MIB2: variants seen among roughly 807,000 people sequenced by gnomAD.
MIB2 encodes MIB E3 ubiquitin protein ligase 2.
MIB2 carries 78 observed loss-of-function variants against 96.6 expected under a neutral mutation model. That is an observed-to-expected ratio of 0.81 (90% CI 0.67 to 0.97). MIB2 has a LOEUF of 0.97. MIB2 is among the 50% of genes least tolerant of loss of function. The probability of loss-of-function intolerance (pLI) is 0.00; values close to 1 mark genes in which losing one functional copy is unlikely to be tolerated. For missense variants in MIB2, 1,543 were observed against 1,424.0 expected, an observed-to-expected ratio of 1.08 and a Z score of -1.35; for synonymous variants, 820 against 629.5, an observed-to-expected ratio of 1.30 and a Z score of -4.53.
chr1:1,626,924 C>T lies in MIB2; in HGVS notation c.1165C>T (p.Pro389Ser), dbSNP rs537069361. ...AVAGQRWTFS[P>S]SCLVAYRPEE... is the part of the protein sequence containing the mutation. ...CGCTGGTCAGCGGTGGACCTTCAGCCCCTCCTGCCTGGTGGCCTACCGGCC... is the reference window on the plus strand; with the variant it reads ...CGCTGGTCAGCGGTGGACCTTCAGCTCCTCCTGCCTGGTGGCCTACCGGCC... Residue 389 changes from proline to serine, a missense_variant, in exon 10 of 20, where the codon CCC (proline) becomes TCC (serine). Pro to Ser is a moderately conservative substitution (Grantham distance 74). Transcript: ENST00000355826. The surrounding 1 kb of genome is among the most constrained non-coding windows in gnomAD (Gnocchi z 5.3). 19 of 1,610,162 alleles carry T rather than the reference C, an allele frequency of 1.2e-5. No individual in the cohort carries two copies. The highest frequency in any genetic ancestry group is 2.2e-5 in the South Asian group (2 of 90,928).
At chr1:1,621,411 G>A (rs1186982976) in intron 2 of MIB2, among the ~76,000 whole-genome samples, 1 of 152,256 alleles carries the variant, frequency 6.6e-6, no homozygotes, top group East Asian at 1.9e-4. Flanking sequence ...CTGCCCACGG[G>A]ACCCCTCTCC....
chr1:1,627,075 C>T lies in MIB2; in HGVS notation c.1242C>T (p.Ser414=), dbSNP rs1371302563. The stretch of plus-strand genomic sequence containing the variant: ...CACTAACCTCAGCCCTGCCCCCAGG[C>T]TCACTGAGCGTGGCCCTGGACAAGC... ...DVAERARENK[S]SLSVALDKLR... The change falls in exon 11 of 20, where the codon AGC becomes AGT. Residue 414 remains serine, a splice_region_variant and synonymous_variant. Transcript: ENST00000355826. 6.9e-6 allele frequency: 11 copies of T among 1,600,020 alleles called. No homozygotes were observed. The highest frequency in any genetic ancestry group is 9.4e-6 in the Non-Finnish European group (11 of 1,173,820).
At chr1:1,623,244 G>T in intron 2 of MIB2, 187 bp from the exon 3 acceptor site, 1 of 1,007,634 alleles carries the variant, frequency 9.9e-7, no homozygotes, top group Non-Finnish European at 1.4e-6. Context: ...TTTCCCACCG[G>T]CCTCCCTGGT....
In MIB2 at chr1:1,630,544, C is replaced by T; in HGVS notation, c.*14C>T. 6.5e-7 allele frequency: 1 copy of T among 1,546,404 alleles called. No individual in the cohort carries two copies. The highest frequency in any genetic ancestry group is 1.7e-4 in the Middle Eastern group (1 of 5,860). Reference sequence around the variant, plus strand: ...ATCTTCGTGTGAGCCGCGCCGTCCGCCGCGCCCGAGCTGCCTTCGCGTGCC... The same window carrying T: ...ATCTTCGTGTGAGCCGCGCCGTCCGTCGCGCCCGAGCTGCCTTCGCGTGCC... On this transcript the variant is annotated 3_prime_UTR_variant, in exon 20 of 20. Coordinates refer to ENST00000355826, the MANE Select transcript of MIB2 (RefSeq NM_001170687.4).
intron 19 of MIB2, 126 bp from the exon 20 acceptor site, chr1:1,630,166 G>GC (rs1402555059): frequency 3.5e-4 from 49 of 139,832 alleles, no homozygotes; most frequent in South Asian, 1.6e-3. Context: ...CACCCCGCCA[G>GC]CCCCCCTTGC....
chr1:1,615,544 C>T lies in MIB2; in HGVS notation c.-219C>T. The T allele has an allele frequency of 6.5e-7, 1 of 1,535,406 alleles. No homozygotes were observed. Among genetic ancestry groups the T allele is most frequent in the African/African-American group, 1.4e-5 (1 of 72,368 alleles). ...TTCCAGCCGCCGCTCTCCTCAGTGC[C>T]CGGTGGCCCAGGAGGGCCTGGGAGC... is the stretch of plus-strand genomic sequence containing the variant. On this transcript the variant is annotated 5_prime_UTR_variant, in exon 1 of 20. Transcript: ENST00000355826.
chr1:1,623,852 G>GC lies in MIB2; in HGVS notation c.328dup (p.Leu110ProfsTer16). 6.2e-7 allele frequency: 1 copy of GC among 1,611,586 alleles called. No homozygotes were observed. The highest frequency in any genetic ancestry group is 1.7e-5 in the Admixed American group (1 of 59,896). On this transcript the variant is annotated frameshift_variant, in exon 4 of 20. Coordinates refer to ENST00000355826, the MANE Select transcript of MIB2 (RefSeq NM_001170687.4). LOFTEE classifies it high-confidence loss of function. ...GGGATGCGCTGGAAGTGCCGTGTGT[G>GC]CCTGGACTACGACCTCTGCACGCAG...
chr1:1,629,390 G>A lies in MIB2; in HGVS notation c.2387G>A (p.Arg796Gln), dbSNP rs1207838545. The A allele has an allele frequency of 1.4e-6, 2 of 1,442,772 alleles. No individual in the cohort carries two copies. The highest frequency in any genetic ancestry group is 2.9e-5 in the Admixed American group (1 of 34,418). 89.4% of individuals were successfully genotyped at this position (1,442,772 alleles called of 1,614,324 possible). The change falls in exon 18 of 20, where the codon CGG becomes CAG. Residue 796 changes from arginine to glutamine, a missense_variant. Coordinates refer to ENST00000355826, the MANE Select transcript of MIB2 (RefSeq NM_001170687.4). ...LQGCAQRFRE[R>Q]QAGGGAAPGP... Reference sequence around the variant, plus strand: ...GCCGCCTCCTCCCCCTGCAGGGAGCGGCAGGCGGGCGGGGGCGCGGCCCCG... The same window carrying A: ...GCCGCCTCCTCCCCCTGCAGGGAGCAGCAGGCGGGCGGGGGCGCGGCCCCG...
In MIB2 at chr1:1,627,336, C is replaced by T. The variant is rs536201760; in HGVS notation, c.1415C>T (p.Ala472Val). 6.2e-7 allele frequency: 1 copy of T among 1,613,148 alleles called. No individual in the cohort carries two copies. The highest frequency in any genetic ancestry group is 2.2e-5 in the East Asian group (1 of 44,868). The change falls in exon 12 of 20, where the codon GCT becomes GTT. Residue 472 changes from alanine (A) to valine (V), a missense_variant. Ala to Val is a moderately conservative substitution (Grantham distance 64). Coordinates refer to ENST00000355826, the MANE Select transcript of MIB2 (RefSeq NM_001170687.4). Reference protein sequence around the residue: ...KNQGRTALQVAAYLGQVELIR... With the variant: ...KNQGRTALQVVAYLGQVELIR... ...CAAGGCAGGACCGCTCTGCAAGTGG[C>T]TGCCTACCTGGGCCAGGTGGAGTTG...
chr1:1,620,831 G>A (rs1411711354), intron 2 of MIB2, among the ~76,000 whole-genome samples: 1 of 152,248 alleles, frequency 6.6e-6, no homozygotes, highest in Non-Finnish European at 1.5e-5. Flanking sequence ...AGCTGCTGGG[G>A]CAGGAGGGAG....
At chr1:1,628,439 G>C (rs779392736) in intron 15 of MIB2, 40 bp downstream of exon 15, 2 of 1,601,324 alleles carry the variant, frequency 1.2e-6, no homozygotes, top group South Asian at 2.2e-5. Context: ...ACCGGGGAGC[G>C]GGAGGCCCAC....
At position 1,616,619 on chromosome 1, in the gene MIB2, G is replaced by C; in HGVS notation, c.-23+5G>C. 6.3e-7 allele frequency: 1 copy of C among 1,583,106 alleles called. No individual in the cohort carries two copies. The highest frequency in any genetic ancestry group is 1.1e-5 in the South Asian group (1 of 87,316). The stretch of plus-strand genomic sequence containing the variant: ...GGCGACTGGACGGCCGGACAGGTGA[G>C]CTCTTGATCGTCCGCGGCCTGATAG... On this transcript the variant is annotated splice_donor_5th_base_variant and intron_variant, in intron 2 of 19. Coordinates refer to ENST00000355826, the MANE Select transcript of MIB2 (RefSeq NM_001170687.4).
intron 1 of MIB2, chr1:1,616,186 C>A: frequency 3.5e-6 from 3 of 850,478 alleles, no homozygotes; most frequent in Non-Finnish European, 4.3e-6. Flanking sequence ...GGGGGCGGGG[C>A]GCGCTCCGGG....
Position 1,627,280 on chromosome 1 carries a change from C to T in MIB2, c.1375-16C>T. The T allele has an allele frequency of 6.2e-7, 1 of 1,613,232 alleles. No individual in the cohort carries two copies. Among genetic ancestry groups the T allele is most frequent in the Non-Finnish European group, 8.5e-7 (1 of 1,179,954 alleles). On this transcript the variant is annotated splice_polypyrimidine_tract_variant and intron_variant, in intron 11 of 19. Coordinates refer to ENST00000355826, the MANE Select transcript of MIB2 (RefSeq NM_001170687.4). ...GGGCAGAGGGCCAGGGACTCACCTG[C>T]TGGCACTCTTGGCAGGTGGACACCA...
In MIB2 at chr1:1,625,234, G is replaced by A; in HGVS notation, c.721+49G>A. ...CATCAGCCCTCCTGCCTTGGCTGAAGTCCCAGAGGGGAGGGGCCGCTGCCT... is the reference window on the plus strand; with the variant it reads ...CATCAGCCCTCCTGCCTTGGCTGAAATCCCAGAGGGGAGGGGCCGCTGCCT... On this transcript the variant is annotated intron_variant, in intron 6 of 19. Coordinates refer to ENST00000355826, the MANE Select transcript of MIB2 (RefSeq NM_001170687.4). This position sits in a 1 kb window ranked among gnomAD's most constrained non-coding sequence, Gnocchi z 5.0. 1 of 1,602,574 alleles carries A rather than the reference G, an allele frequency of 6.2e-7. No homozygotes were observed. Among genetic ancestry groups the A allele is most frequent in the Non-Finnish European group, 8.5e-7 (1 of 1,175,092 alleles).
intron 2 of MIB2, 189 bp from the exon 3 acceptor site, chr1:1,623,242 C>T (rs751493149): frequency 2.0e-4 from 200 of 993,848 alleles, no homozygotes; most frequent in Non-Finnish European, 2.2e-4. Context: ...CCTTTCCCAC[C>T]GGCCTCCCTG....
chr1:1,622,662 C>T (rs905238030), intron 2 of MIB2, among the ~76,000 whole-genome samples: 12 of 152,218 alleles, frequency 7.9e-5, no homozygotes, highest in African/African-American at 2.4e-4. Flanking sequence ...GCTTCAGGAC[C>T]CCGTGGCCAC....
At chr1:1,614,400 C>T (rs373742509), upstream of MIB2, 5 of 152,274 alleles carry the variant, frequency 3.3e-5, no homozygotes, top group South Asian at 8.3e-4. Context: ...TGGTAAGGCT[C>T]TCTCCAACAA....
rs1644488536 is a variant in MIB2, at chr1:1,623,877, G to A, written c.351G>A (p.Gln117=). 1.2e-6 allele frequency: 2 copies of A among 1,612,118 alleles called. No individual in the cohort carries two copies. Among genetic ancestry groups the A allele is most frequent in the Non-Finnish European group, 1.7e-6 (2 of 1,179,586 alleles). ...GCCTGGACTACGACCTCTGCACGCA[G>A]TGCTACATGCACAACAAGCATGAGC... ...RVCLDYDLCT[Q]CYMHNKHELA... Residue 117 remains glutamine (Q), a synonymous_variant, in exon 4 of 20, where the codon CAG becomes CAA. Transcript: ENST00000355826.
Sources: allele counts gnomAD v4.1 joint callset (sites outside exome capture counted in the v4.1 genomes callset), GRCh38; gene constraint gnomAD v4.1.1; non-coding constraint Gnocchi (gnomAD v3.1); transcripts MANE v1.5; gene names NCBI Gene and HGNC (gene_info 2026-07-23, HGNC 2026-07-21).